Variants in SLK observed in about 807,000 individuals in gnomAD.
SLK encodes STE20-like serine/threonine-protein kinase.
SLK carries 67 observed loss-of-function variants against 147.7 expected under a neutral mutation model. That is an observed-to-expected ratio of 0.45 (90% CI 0.37 to 0.56). The LOEUF is 0.56. Among genes scored for constraint, SLK ranks in the 20% least tolerant of loss-of-function variants. The pLI, the probability that SLK is intolerant of heterozygous loss-of-function variation, is 0.00. For synonymous variants in SLK, 441 were observed against 475.0 expected, an observed-to-expected ratio of 0.93 and a Z score of 0.93; for missense variants, 1,136 against 1,438.8, an observed-to-expected ratio of 0.79 and a Z score of 3.41.
At position 104,027,531 on chromosome 10, in the gene SLK, G is replaced by A. The variant is rs1033015041; in HGVS notation, c.*1811G>A. ...ATATATCTTTATAAAGTAATATTCA[G>A]GATGATGATAAAAATTGTTTATATT... On this transcript the variant is annotated 3_prime_UTR_variant, in exon 19 of 19. Coordinates refer to ENST00000369755, the MANE Select transcript of SLK (RefSeq NM_014720.4). 8.5e-5 allele frequency: 13 copies of A among 152,532 alleles called. No homozygotes were observed. Among genetic ancestry groups the A allele is most frequent in the African/African-American group, 3.1e-4 (13 of 41,478 alleles). 9.4% of individuals were successfully genotyped at this position (152,532 alleles called of 1,614,324 possible).
At chr10:103,970,245 A>G (rs1341674201) in intron 1 of SLK, among the ~76,000 whole-genome samples, 1 of 152,250 alleles carries the variant, frequency 6.6e-6, no homozygotes, top group African/African-American at 2.4e-5. Flanking sequence ...CCAAGAAGAT[A>G]ATAAACCATT....
chr10:103,988,363 C>G (rs1844045792), intron 1 of SLK, among the ~76,000 whole-genome samples: 1 of 152,160 alleles, frequency 6.6e-6, no homozygotes, highest in Admixed American at 6.5e-5. Context: ...TATTCTGCCA[C>G]CCTTCACGGG....
At chr10:103,995,423 CT>C (rs756975426) in intron 4 of SLK, among the ~76,000 whole-genome samples, 246 of 67,686 alleles carry the variant, frequency 3.6e-3, no homozygotes, top group South Asian at 0.01. Context: ...TCTTTCTTTT[CT>C]TTTTTTTTTT....
At chr10:104,006,551 G>A (rs998764594) in intron 11 of SLK, among the ~76,000 whole-genome samples, 26 of 152,268 alleles carry the variant, frequency 1.7e-4, no homozygotes, top group Admixed American at 6.5e-4. Flanking sequence ...ACTAGTCCTG[G>A]GTAGCTGTCA....
Position 103,993,046 on chromosome 10 carries a change from T to A in SLK, c.427T>A (p.Leu143Met). ...QVVCKQTLDALNYLHDNKIIH... is the reference protein window; with the variant it reads ...QVVCKQTLDAMNYLHDNKIIH... ...AGTTTGCAAGCAGACTTTAGATGCA[T>A]TGAACTACTTACATGATAATAAGAT... The change falls in exon 4 of 19, where the codon TTG becomes ATG. Residue 143 changes from leucine (L) to methionine (M), a missense_variant. Leu to Met is a conservative substitution (Grantham distance 15, BLOSUM62 2). Around this residue, in one of 6 missense-constraint regions of SLK, gnomAD observed 141 missense variants for 219.3 expected, o/e 0.64. Coordinates refer to ENST00000369755, the MANE Select transcript of SLK (RefSeq NM_014720.4). 2 of 1,610,094 alleles carry A rather than the reference T, an allele frequency of 1.2e-6. No individual in the cohort carries two copies. Among genetic ancestry groups the A allele is most frequent in the Non-Finnish European group, 1.7e-6 (2 of 1,176,792 alleles).
intron 4 of SLK, among the ~76,000 whole-genome samples, chr10:103,997,587 T>C (rs1353709209): frequency 6.6e-6 from 1 of 152,048 alleles, no homozygotes; most frequent in Non-Finnish European, 1.5e-5. Context: ...GTCAACACTT[T>C]TTTTTTTTCT....
Position 104,025,600 on chromosome 10 carries a change from A to C in SLK, c.3588A>C (p.Lys1196Asn). Residue 1196 changes from lysine (K) to asparagine (N), a missense_variant, in exon 19 of 19, where the codon AAA becomes AAC. Lys to Asn is a moderately conservative substitution (Grantham distance 94, BLOSUM62 0). Coordinates refer to ENST00000369755, the MANE Select transcript of SLK (RefSeq NM_014720.4). ...CACTGGAAGAAGAGTTTGCCAGGAA[A>C]CTACAGGAACAGGAAGTATTCTTTA... ...KKTLEEEFAR[K>N]LQEQEVFFKM... The C allele has an allele frequency of 6.2e-7, 1 of 1,613,968 alleles. No homozygotes were observed. Among genetic ancestry groups the C allele is most frequent in the Non-Finnish European group, 8.5e-7 (1 of 1,179,864 alleles).
intron 15 of SLK, among the ~76,000 whole-genome samples, chr10:104,019,491 C>T (rs1196576602): frequency 6.6e-6 from 1 of 152,078 alleles, no homozygotes; most frequent in Non-Finnish European, 1.5e-5. Flanking sequence ...AGGCTGGTCT[C>T]AAACTCCTAG....
Position 104,008,198 on chromosome 10 carries a change from C to T in SLK, c.2626C>T (p.Gln876Ter). Reference sequence around the variant, plus strand: ...ACAGAGTAAAAAGCGACAATATGACCAGGAAATTGAGAATCTAGAAAAACA... The same window carrying T: ...ACAGAGTAAAAAGCGACAATATGACTAGGAAATTGAGAATCTAGAAAAACA... ...EMMSKKRQYD[Q>*]EIENLEKQQK... The change falls in exon 12 of 19, where the codon CAG becomes TAG. Residue 876 changes from glutamine (Q) to a stop codon, truncating the protein, a stop_gained. Transcript: ENST00000369755. LOFTEE classifies it high-confidence loss of function. 1 of 1,612,262 alleles carries T rather than the reference C, an allele frequency of 6.2e-7. No individual in the cohort carries two copies. Among genetic ancestry groups the T allele is most frequent in the Non-Finnish European group, 8.5e-7 (1 of 1,179,508 alleles).
In SLK at chr10:104,002,781, G is replaced by A. The variant is rs199902178; in HGVS notation, c.1603G>A (p.Asp535Asn). 13 of 1,613,986 alleles carry A rather than the reference G, an allele frequency of 8.1e-6. No individual in the cohort carries two copies. The highest frequency in any genetic ancestry group is 1.3e-5 in the African/African-American group (1 of 75,032). The change falls in exon 9 of 19, where the codon GAC becomes AAC. Residue 535 changes from aspartate (D) to asparagine (N), a missense_variant. Asp to Asn is a conservative substitution (Grantham distance 23). Transcript: ENST00000369755. ...CACCCAAGAGAAATTGGGGGAAGAC[G>A]ACAAAACTCAAAAAGATGTGATCAG... is the stretch of plus-strand genomic sequence containing the variant. ...EDTQEKLGED[D>N]KTQKDVISNT...
chr10:103,990,864 G>A, intron 2 of SLK, 25 bp downstream of exon 2: 1 of 1,415,262 alleles, frequency 7.1e-7, no homozygotes, highest in Non-Finnish European at 9.3e-7. Flanking sequence ...TTGATCTAAA[G>A]GAGTAGCCAA....
intron 1 of SLK, among the ~76,000 whole-genome samples, chr10:103,982,769 C>G (rs1054575149): frequency 1.3e-5 from 2 of 152,188 alleles, no homozygotes; most frequent in African/African-American, 4.8e-5. Flanking sequence ...ACATTCCCAG[C>G]TAAACTTGAA....
intron 18 of SLK, among the ~76,000 whole-genome samples, chr10:104,022,693 C>T (rs999050983): frequency 2.0e-5 from 3 of 152,160 alleles, no homozygotes; most frequent in South Asian, 2.1e-4. Context: ...CTGCAACCTC[C>T]GCCTCCTGGG....
At chr10:103,984,948 C>T (rs1843993299) in intron 1 of SLK, among the ~76,000 whole-genome samples, 1 of 152,114 alleles carries the variant, frequency 6.6e-6, no homozygotes, top group African/African-American at 2.4e-5. Flanking sequence ...CAAGATTTGA[C>T]CAAGATTTTT....
chr10:103,995,649 C>T, intron 4 of SLK, among the ~76,000 whole-genome samples: 1 of 151,948 alleles, frequency 6.6e-6, no homozygotes, highest in East Asian at 1.9e-4. Flanking sequence ...TGGTCTGGAA[C>T]TCCTGGCCAG....
intron 4 of SLK, among the ~76,000 whole-genome samples, chr10:103,997,536 C>G (rs1284173539): frequency 6.6e-6 from 1 of 152,010 alleles, no homozygotes; most frequent in Non-Finnish European, 1.5e-5. Context: ...TTTTACATTT[C>G]TAACGGAAAT....
chr10:104,015,408 A>G (rs1303982601), intron 13 of SLK, among the ~76,000 whole-genome samples: 1 of 152,156 alleles, frequency 6.6e-6, no homozygotes, highest in African/African-American at 2.4e-5. Flanking sequence ...ACACTTCTCT[A>G]GTTCTTTCAG....
At chr10:104,018,136 C>G in intron 13 of SLK, 24 bp from the exon 14 acceptor site, 1 of 1,563,254 alleles carries the variant, frequency 6.4e-7, no homozygotes, top group Non-Finnish European at 8.7e-7. Context: ...TACTTATTAA[C>G]TGACAATTAA....
At chr10:103,970,328 T>C (rs1272840323) in intron 1 of SLK, among the ~76,000 whole-genome samples, 1 of 152,228 alleles carries the variant, frequency 6.6e-6, no homozygotes, top group African/African-American at 2.4e-5. Flanking sequence ...CATGACACTT[T>C]CTGCAAAATG....
Sources: allele counts gnomAD v4.1 joint callset (sites outside exome capture counted in the v4.1 genomes callset), GRCh38; gene constraint gnomAD v4.1.1; regional missense constraint gnomAD v4.1.1; transcripts MANE v1.5; gene names NCBI Gene and HGNC (gene_info 2026-07-23, HGNC 2026-07-21).